Variants in ARHGAP29 observed in about 807,000 individuals in gnomAD.
ARHGAP29 encodes the protein Rho GTPase activating protein 29, also known as rho GTPase-activating protein 29.
A neutral mutation model predicts 122.6 loss-of-function variants in ARHGAP29; 43 were observed. The observed-to-expected ratio is 0.35, with a 90% CI of 0.27 to 0.45. The LOEUF is 0.45. ARHGAP29 is among the 20% of genes least tolerant of loss of function. The pLI, the probability that ARHGAP29 is intolerant of heterozygous loss-of-function variation, is 1.00. For missense variants in ARHGAP29, 1,303 were observed against 1,477.2 expected (o/e 0.88, Z 1.93); for synonymous variants, 506 against 497.1 (o/e 1.02, Z -0.24).
chr1:94,278,320 A>T (rs1344022277), upstream of ARHGAP29, among the ~76,000 whole-genome samples: 1 of 146,448 alleles, frequency 6.8e-6, no homozygotes, highest in African/African-American at 2.5e-5. Flanking sequence ...CCCTGTCTCT[A>T]AAAAAAAAAA....
chr1:94,237,465 G>C lies in ARHGAP29; in HGVS notation c.-83C>G, dbSNP rs1274364986. On this transcript the variant is annotated 5_prime_UTR_variant, in exon 1 of 23. Coordinates refer to ENST00000260526, the MANE Select transcript of ARHGAP29 (RefSeq NM_004815.4). ...ACGCGGACGCCCGCCCCACACCTAC[G>C]GCCGCCGCCACCGCCGAGGGCTGGA... 1.1e-5 allele frequency: 11 copies of C among 987,358 alleles called. No homozygotes were observed. In the East Asian group the frequency reaches 1.1e-3, roughly 101 times the overall value. 61.2% of individuals were successfully genotyped at this position (987,358 alleles called of 1,614,324 possible).
chr1:94,175,071 T>C (rs1402273013), intron 22 of ARHGAP29, among the ~76,000 whole-genome samples: 2 of 152,160 alleles, frequency 1.3e-5, no homozygotes, highest in Admixed American at 6.5e-5. Context: ...ACAATTTCAA[T>C]AGGCAGACAT....
At chr1:94,310,402 C>T in the ARHGAP29 span, among the ~76,000 whole-genome samples, 1 of 152,232 alleles carries the variant, frequency 6.6e-6, no homozygotes, top group Admixed American at 6.5e-5. Context: ...AGGTGCCACC[C>T]TTTCAAAGGC....
intron 12 of ARHGAP29, among the ~76,000 whole-genome samples, chr1:94,198,343 T>A (rs575128549): frequency 1.1e-3 from 174 of 152,136 alleles, no homozygotes; most frequent in African/African-American, 4.0e-3. Flanking sequence ...CTGGGCATGG[T>A]GGCATGCACG....
intron 1 of ARHGAP29, among the ~76,000 whole-genome samples, chr1:94,250,885 A>C (rs1160165908): frequency 6.6e-6 from 1 of 152,206 alleles, no homozygotes; most frequent in Non-Finnish European, 1.5e-5. Context: ...GAGCCATCAC[A>C]TACCATAACC....
intron 1 of ARHGAP29, among the ~76,000 whole-genome samples, chr1:94,253,311 C>CCGGG (rs1376976268): frequency 1.3e-5 from 2 of 152,116 alleles, no homozygotes; most frequent in African/African-American, 4.8e-5. Context: ...CCAGCTTTCC[C>CCGGG]CGGGCTTACA....
intron 1 of ARHGAP29, among the ~76,000 whole-genome samples, chr1:94,262,031 G>A (rs1654577106): frequency 6.6e-6 from 1 of 152,162 alleles, no homozygotes. Context: ...AACCAAAACA[G>A]CATGGAACTG....
intron 2 of ARHGAP29, among the ~76,000 whole-genome samples, chr1:94,223,343 T>A (rs1652429812): frequency 6.6e-6 from 1 of 152,206 alleles, no homozygotes; most frequent in Admixed American, 6.5e-5. Context: ...GAAACCAGAC[T>A]GCCTGACTTT....
chr1:94,214,814 C>A (rs1651856779), intron 3 of ARHGAP29, among the ~76,000 whole-genome samples: 1 of 152,092 alleles, frequency 6.6e-6, no homozygotes, highest in Non-Finnish European at 1.5e-5. Flanking sequence ...ATTCATACAA[C>A]CTATTAGAGC....
chr1:94,183,022 T>C (rs925115606), intron 19 of ARHGAP29, among the ~76,000 whole-genome samples: 2 of 152,126 alleles, frequency 1.3e-5, no homozygotes, highest in African/African-American at 4.8e-5. Context: ...TAGTTAACAA[T>C]AATATATTAC....
chr1:94,281,264 C>T, the ARHGAP29 span, among the ~76,000 whole-genome samples: 1 of 152,176 alleles, frequency 6.6e-6, no homozygotes, highest in African/African-American at 2.4e-5. Context: ...CATGTATACA[C>T]ACATTTAAAC....
At position 94,185,129 on chromosome 1, in the gene ARHGAP29, G is replaced by A. The variant is rs1570497386; in HGVS notation, c.1921-69C>T. The stretch of plus-strand genomic sequence containing the variant: ...TTCACAACTGGGCAAACTGCAGGTG[G>A]AAGGTAACACAACAAAAATGAGTTT... On this transcript the variant is annotated intron_variant, in intron 17 of 22. Coordinates refer to ENST00000260526, the MANE Select transcript of ARHGAP29 (RefSeq NM_004815.4). 8 of 1,421,162 alleles carry A rather than the reference G, an allele frequency of 5.6e-6. No homozygotes were observed. The East Asian group carries it at 9.4e-5, about 17-fold the overall frequency. 88.0% of individuals were successfully genotyped at this position (1,421,162 alleles called of 1,614,324 possible). A position where few individuals can be genotyped will look rare whatever the true frequency, so the allele number is the denominator to read the frequency against.
intron 1 of ARHGAP29, among the ~76,000 whole-genome samples, chr1:94,270,140 G>A (rs1158774315): frequency 1.3e-5 from 2 of 152,180 alleles, no homozygotes; most frequent in African/African-American, 4.8e-5. Flanking sequence ...AAAACAAGAG[G>A]TGGTTAGCAT....
At chr1:94,204,143 C>A (rs79661730) in intron 7 of ARHGAP29, 149 bp from the exon 8 acceptor site, 2 of 480,468 alleles carry the variant, frequency 4.2e-6, no homozygotes, top group Non-Finnish European at 6.9e-6. Flanking sequence ...CTTCTTTCTT[C>A]CTTTTTTTTT....
intron 5 of ARHGAP29, among the ~76,000 whole-genome samples, chr1:94,206,708 C>T (rs1042772877): frequency 6.6e-6 from 1 of 151,826 alleles, no homozygotes; most frequent in African/African-American, 2.4e-5. Flanking sequence ...GCCAGCCTGA[C>T]CAACATGGAG....
intron 19 of ARHGAP29, among the ~76,000 whole-genome samples, chr1:94,181,155 C>A (rs1262013545): frequency 6.6e-6 from 1 of 152,152 alleles, no homozygotes; most frequent in Non-Finnish European, 1.5e-5. Context: ...CAAGTACTGA[C>A]TTAGCAGCTC....
At chr1:94,206,178 A>G (rs1401453720) in intron 5 of ARHGAP29, among the ~76,000 whole-genome samples, 2 of 152,208 alleles carry the variant, frequency 1.3e-5, no homozygotes, top group Non-Finnish European at 2.9e-5. Flanking sequence ...AGTAGCTAAT[A>G]GCTCCATGTA....
At chr1:94,261,249 G>C (rs1270704121) in intron 1 of ARHGAP29, among the ~76,000 whole-genome samples, 1 of 152,104 alleles carries the variant, frequency 6.6e-6, no homozygotes, top group Non-Finnish European at 1.5e-5. Flanking sequence ...CAGAAGCTCA[G>C]ACATGCTTTA....
At chr1:94,213,113 A>C (rs978516531) in intron 3 of ARHGAP29, among the ~76,000 whole-genome samples, 1 of 152,190 alleles carries the variant, frequency 6.6e-6, no homozygotes, top group Admixed American at 6.5e-5. Flanking sequence ...CTTCCTTCCC[A>C]AGTTAACCTT....
Sources: gnomAD v4.1 joint callset for allele counts (sites outside exome capture counted in the v4.1 genomes callset) on GRCh38, gnomAD v4.1.1 for gene constraint, MANE v1.5 for transcripts, NCBI Gene and HGNC (gene_info 2026-07-23, HGNC 2026-07-21) for gene names.